Variants in DPP6 observed in about 807,000 individuals in gnomAD.
DPP6 encodes A-type potassium channel modulatory protein DPP6.
DPP6 carries 69 observed loss-of-function variants against 122.6 expected under a neutral mutation model. That is an observed-to-expected ratio of 0.56 (90% confidence interval 0.46 to 0.69). The LOEUF is 0.69. Ranked by LOEUF, DPP6 falls within the 30% of genes least tolerant of loss-of-function variation. The pLI is 0.00. For missense variants in DPP6, 928 were observed against 1,116.9 expected, an observed-to-expected ratio of 0.83 and a Z score of 2.41; for synonymous variants, 418 against 433.1, an observed-to-expected ratio of 0.97 and a Z score of 0.43.
chr7:154,279,139 ATGTG>A (rs1336256885), intron 1 of DPP6, among the ~76,000 whole-genome samples: 4 of 143,718 alleles, frequency 2.8e-5, no homozygotes, highest in South Asian at 2.1e-4. Flanking sequence ...GTGTGTATCT[ATGTG>A]TGTGTGCAGT....
chr7:154,881,040 C>A, intron 21 of DPP6, 98 bp downstream of exon 21: 1 of 1,432,270 alleles, frequency 7.0e-7, no homozygotes, highest in South Asian at 1.8e-5. Flanking sequence ...CGTCTGTGGT[C>A]TGCTGGTGAG....
chr7:154,813,889 T>TC (rs1379872922), intron 16 of DPP6, among the ~76,000 whole-genome samples: 1 of 146,902 alleles, frequency 6.8e-6, no homozygotes, highest in Non-Finnish European at 1.5e-5. Flanking sequence ...TTTTTTTTTT[T>TC]TTTTTTTTGA....
intron 1 of DPP6, among the ~76,000 whole-genome samples, chr7:153,937,259 AAGATTAC>A (rs1241099119): frequency 6.6e-6 from 1 of 152,170 alleles, no homozygotes; most frequent in Non-Finnish European, 1.5e-5. Context: ...GTGGGGCTGT[AAGATTAC>A]GCTGGCTGAT....
In DPP6 at chr7:154,800,566, G is replaced by C. The variant is rs371022321; in HGVS notation, c.1300-789G>C. Among the ~76,000 whole-genome samples the C allele has an allele frequency of 1.5e-4, 23 of 152,332 alleles. No homozygotes were observed. In the East Asian group the frequency reaches 2.1e-3, roughly 14 times the overall value. On this transcript the variant is annotated intron_variant, in intron 12 of 25. Transcript: ENST00000377770. ...AGGCTGAGGCCGCTGGCTGTTCACT[G>C]TCCGGGGACCAGGCAGAGATGGTGG...
At chr7:154,868,855 A>G (rs1456097781) in intron 18 of DPP6, among the ~76,000 whole-genome samples, 1 of 151,852 alleles carries the variant, frequency 6.6e-6, no homozygotes, top group Non-Finnish European at 1.5e-5. Context: ...TTCCCCCAGA[A>G]CTCTGTCCCG....
rs980737247 is a variant in DPP6, at chr7:154,481,152, G to A, written c.457+6115G>A. Among the ~76,000 whole-genome samples, 1 of 152,112 alleles carries A rather than the reference G, an allele frequency of 6.6e-6. No individual in the cohort carries two copies. Among genetic ancestry groups the A allele is most frequent in the Non-Finnish European group, 1.5e-5 (1 of 68,018 alleles). On this transcript the variant is annotated intron_variant, in intron 3 of 25. Coordinates refer to ENST00000377770, the MANE Select transcript of DPP6 (RefSeq NM_130797.4). The surrounding 1 kb of genome is among the most constrained non-coding windows in gnomAD (Gnocchi z 4.2). ...TGCAAGGAGAAGGGGATGCTTGGGTGACTGGGGTGGAATTTTAATGTTTCT... is the reference window on the plus strand; with the variant it reads ...TGCAAGGAGAAGGGGATGCTTGGGTAACTGGGGTGGAATTTTAATGTTTCT...
intron 3 of DPP6, among the ~76,000 whole-genome samples, chr7:154,506,045 T>A (rs1825638488): frequency 6.6e-6 from 1 of 152,086 alleles, no homozygotes; most frequent in African/African-American, 2.4e-5. Flanking sequence ...TTTATTAATA[T>A]CAGTATAGAC....
At chr7:154,722,090 G>A (rs546800518) in intron 7 of DPP6, among the ~76,000 whole-genome samples, 99 of 152,298 alleles carry the variant, frequency 6.5e-4, no homozygotes, top group Non-Finnish European at 1.2e-3. Context: ...AGCTACCTGG[G>A]AGGCTGAGGC....
At chr7:154,021,462 C>A (rs1798696801) in intron 1 of DPP6, among the ~76,000 whole-genome samples, 1 of 152,186 alleles carries the variant, frequency 6.6e-6, no homozygotes, top group Non-Finnish European at 1.5e-5. Context: ...CTTTTTACAG[C>A]AGCACCTCCA....
intron 1 of DPP6, among the ~76,000 whole-genome samples, chr7:154,436,811 T>C (rs760415846): frequency 2.6e-5 from 4 of 152,222 alleles, no homozygotes; most frequent in Non-Finnish European, 4.4e-5. Flanking sequence ...CTGGATTTCA[T>C]GGAAATGTCT....
the DPP6 span, among the ~76,000 whole-genome samples, chr7:153,855,290 A>T: frequency 6.6e-6 from 1 of 152,124 alleles, no homozygotes; most frequent in Non-Finnish European, 1.5e-5. Flanking sequence ...ATTCTTTTTC[A>T]ATATTATTTT....
intron 16 of DPP6, among the ~76,000 whole-genome samples, chr7:154,836,129 T>C (rs1164651463): frequency 6.6e-6 from 1 of 152,194 alleles, no homozygotes; most frequent in Non-Finnish European, 1.5e-5. Context: ...CCCACTTCTG[T>C]TTAATTACCG....
rs566953693 is a variant in DPP6 at position 154,152,216 on chromosome 7, A to G, written c.243+99153A>G. On this transcript the variant is annotated intron_variant, in intron 1 of 25. Coordinates refer to ENST00000377770, the MANE Select transcript of DPP6 (RefSeq NM_130797.4). ...GAAAGCAGTGGGGTAGGCTTGCCAC[A>G]TGGAAGAGAGCAGGTGAAGGAGGAG... Among the ~76,000 whole-genome samples, 372 of 152,184 alleles carry G rather than the reference A, an allele frequency of 2.4e-3. 2 individuals carry two copies. The highest frequency in any genetic ancestry group is 8.5e-3 in the African/African-American group (354 of 41,508).
At chr7:153,932,918 C>A (rs79622401) in intron 1 of DPP6, among the ~76,000 whole-genome samples, 4 of 152,086 alleles carry the variant, frequency 2.6e-5, no homozygotes, top group Non-Finnish European at 5.9e-5. Context: ...TATTTGAATC[C>A]TGGGGGCAGA....
the DPP6 span, among the ~76,000 whole-genome samples, chr7:153,876,554 A>C: frequency 2.6e-5 from 4 of 152,062 alleles, no homozygotes; most frequent in Admixed American, 1.3e-4. Context: ...ATTTCTAAAC[A>C]ACTCATTGGC....
At chr7:154,869,107 A>G (rs1356342575) in intron 18 of DPP6, among the ~76,000 whole-genome samples, 1 of 152,202 alleles carries the variant, frequency 6.6e-6, no homozygotes, top group African/African-American at 2.4e-5. Context: ...GTTGAGGCTG[A>G]TAAGTAACAC....
chr7:154,035,646 A>G (rs1311269669), intron 1 of DPP6, among the ~76,000 whole-genome samples: 2 of 151,904 alleles, frequency 1.3e-5, no homozygotes, highest in African/African-American at 4.8e-5. Flanking sequence ...AGAGGCATTT[A>G]TCCATCTAAA....
chr7:153,995,182 A>G (rs1585148203), intron 1 of DPP6, among the ~76,000 whole-genome samples: 1 of 152,314 alleles, frequency 6.6e-6, no homozygotes, highest in Non-Finnish European at 1.5e-5. Context: ...CAAGGAGGGA[A>G]AGCCATTGAG....
At chr7:154,474,791 G>A in intron 2 of DPP6, 148 bp from the exon 3 acceptor site, 1 of 595,114 alleles carries the variant, frequency 1.7e-6, no homozygotes, top group Non-Finnish European at 2.9e-6. Context: ...AAAACAGAAT[G>A]CAAGACTGGC....
Sources: allele counts gnomAD v4.1 joint callset (sites outside exome capture counted in the v4.1 genomes callset), GRCh38; gene constraint gnomAD v4.1.1; non-coding constraint Gnocchi (gnomAD v3.1); transcripts MANE v1.5; gene names NCBI Gene and HGNC (gene_info 2026-07-23, HGNC 2026-07-21).